Variants in ZRANB3 observed in about 807,000 individuals in gnomAD.
The protein encoded by ZRANB3 is DNA annealing helicase and endonuclease ZRANB3.
ZRANB3 carries 125 observed loss-of-function variants against 133.8 expected under a neutral mutation model. The ratio of observed to expected loss-of-function variants is 0.93; its 90% CI spans 0.81 to 1.08. The LOEUF is 1.08. Among genes scored for constraint, ZRANB3 ranks in the 50% least tolerant of loss-of-function variants. The probability of loss-of-function intolerance (pLI) is 0.00; values close to 1 mark genes in which losing one functional copy is unlikely to be tolerated. For missense variants in ZRANB3, 1,229 were observed against 1,275.5 expected, an observed-to-expected ratio of 0.96 and a Z score of 0.56; for synonymous variants, 387 against 432.7, an observed-to-expected ratio of 0.89 and a Z score of 1.31.
intron 1 of ZRANB3, among the ~76,000 whole-genome samples, chr2:135,519,955 A>T (rs1330091093): frequency 2.0e-5 from 3 of 152,134 alleles, no homozygotes; most frequent in African/African-American, 7.2e-5. Flanking sequence ...AGGATATGGT[A>T]TATATAAAGG....
rs144800364 is a variant in ZRANB3 at position 135,289,660 on chromosome 2, C to T, written c.967-13905G>A. On this transcript the variant is annotated intron_variant, in intron 8 of 20. Coordinates refer to ENST00000264159, the MANE Select transcript of ZRANB3 (RefSeq NM_032143.4). The stretch of plus-strand genomic sequence containing the variant: ...GCTCAAGCCTGTAATCCTAGCATTT[C>T]GGGAGGCAAAGTCAGGTGGATCACT... 5.5e-4 allele frequency among the ~76,000 whole-genome samples: 83 copies of T among 152,192 alleles called. 1 individual carries two copies. In the East Asian group the frequency reaches 0.01, roughly 19 times the overall value.
intron 8 of ZRANB3, among the ~76,000 whole-genome samples, chr2:135,276,234 GTTT>G (rs79341754): frequency 5.4e-5 from 7 of 128,864 alleles, no homozygotes; most frequent in Non-Finnish European, 8.4e-5. Context: ...TTTAAGGAAA[GTTT>G]TTTTTTTTTT....
At chr2:135,251,745 C>T (rs1045444736) in intron 12 of ZRANB3, among the ~76,000 whole-genome samples, 5 of 152,172 alleles carry the variant, frequency 3.3e-5, no homozygotes, top group Non-Finnish European at 7.4e-5. Context: ...TCCAATTAAA[C>T]CTCTTTTTCC....
intron 12 of ZRANB3, among the ~76,000 whole-genome samples, chr2:135,253,610 G>A (rs1480241378): frequency 6.6e-6 from 1 of 152,124 alleles, no homozygotes; most frequent in African/African-American, 2.4e-5. Flanking sequence ...CTATAAACCT[G>A]TACAGCAGTT....
At chr2:135,218,196 T>C (rs1694390446) in intron 16 of ZRANB3, among the ~76,000 whole-genome samples, 2 of 152,084 alleles carry the variant, frequency 1.3e-5, no homozygotes, top group Non-Finnish European at 2.9e-5. Context: ...AGATCAACAG[T>C]GATAATATGC....
chr2:135,284,999 C>A (rs1036476751), intron 8 of ZRANB3, among the ~76,000 whole-genome samples: 2 of 151,972 alleles, frequency 1.3e-5, no homozygotes, highest in Non-Finnish European at 1.5e-5. Context: ...GCATGCAACA[C>A]CACGCCTGGC....
rs1158302617 is a variant in ZRANB3 at position 135,355,306 on chromosome 2, T to C, written c.181-1678A>G. 4 of 982,504 alleles carry C rather than the reference T, an allele frequency of 4.1e-6. No homozygotes were observed. The Admixed American group carries it at 1.8e-4, about 45-fold the overall frequency. 60.9% of individuals were successfully genotyped at this position (982,504 alleles called of 1,614,324 possible). Reference sequence around the variant, plus strand: ...ACACCCGAAGCCACTCAAACATCACTGGATTCTGGGAACAACTTGGTTCCA... The same window carrying C: ...ACACCCGAAGCCACTCAAACATCACCGGATTCTGGGAACAACTTGGTTCCA... On this transcript the variant is annotated intron_variant, in intron 3 of 20. Coordinates refer to ENST00000264159, the MANE Select transcript of ZRANB3 (RefSeq NM_032143.4).
intron 6 of ZRANB3, among the ~76,000 whole-genome samples, chr2:135,319,312 A>T (rs1683409387): frequency 6.6e-6 from 1 of 152,212 alleles, no homozygotes; most frequent in African/African-American, 2.4e-5. Context: ...CACTTATCAC[A>T]TCTATAATGT....
chr2:135,326,505 G>A (rs1482875869), intron 6 of ZRANB3, among the ~76,000 whole-genome samples: 1 of 152,016 alleles, frequency 6.6e-6, no homozygotes, highest in Non-Finnish European at 1.5e-5. Context: ...CGGGATACAT[G>A]TGCAGAATGT....
intron 8 of ZRANB3, among the ~76,000 whole-genome samples, chr2:135,277,549 T>A (rs1680891517): frequency 6.6e-6 from 1 of 152,012 alleles, no homozygotes; most frequent in African/African-American, 2.4e-5. Flanking sequence ...AACAGTACTA[T>A]CAGAAATGAA....
intron 12 of ZRANB3, among the ~76,000 whole-genome samples, chr2:135,240,440 T>A (rs1169330518): frequency 3.3e-5 from 5 of 152,256 alleles, no homozygotes; most frequent in Non-Finnish European, 7.3e-5. Context: ...TCAGCAAACA[T>A]GCACAAATTC....
chr2:135,327,726 C>T (rs188632237), intron 6 of ZRANB3, among the ~76,000 whole-genome samples: 1 of 152,228 alleles, frequency 6.6e-6, no homozygotes, highest in African/African-American at 2.4e-5. Context: ...CCAAATACAG[C>T]TTCCTCATCT....
intron 2 of ZRANB3, among the ~76,000 whole-genome samples, chr2:135,426,665 T>C (rs1002299927): frequency 6.7e-6 from 1 of 149,150 alleles, no homozygotes; most frequent in African/African-American, 2.5e-5. Context: ...CAATCTCTAC[T>C]AAAAAATACA....
chr2:135,242,035 C>G (rs1320430618), intron 12 of ZRANB3, among the ~76,000 whole-genome samples: 1 of 152,078 alleles, frequency 6.6e-6, no homozygotes, highest in African/African-American at 2.4e-5. Context: ...CAAAAAGTAG[C>G]TGGGCATGGT....
chr2:135,350,298 C>T, intron 4 of ZRANB3, 83 bp from the exon 5 acceptor site: 2 of 984,164 alleles, frequency 2.0e-6, no homozygotes, highest in African/African-American at 1.6e-5. Flanking sequence ...GGAAAAAATA[C>T]AGAGGAGAAG....
chr2:135,413,232 T>C (rs1018673476), intron 2 of ZRANB3, among the ~76,000 whole-genome samples: 1 of 152,176 alleles, frequency 6.6e-6, no homozygotes, highest in Non-Finnish European at 1.5e-5. Context: ...CTGCTAAGGA[T>C]GACAAAGTAG....
chr2:135,496,274 C>A (rs1021471865), intron 2 of ZRANB3, among the ~76,000 whole-genome samples: 7 of 151,128 alleles, frequency 4.6e-5, no homozygotes, highest in African/African-American at 1.7e-4. Flanking sequence ...ATCCCAGCTA[C>A]TCGGAAGGCT....
intron 1 of ZRANB3, among the ~76,000 whole-genome samples, chr2:135,507,019 T>C (rs549451445): frequency 2.0e-5 from 3 of 152,284 alleles, no homozygotes; most frequent in East Asian, 1.9e-4. Flanking sequence ...AGGGAAAGCA[T>C]GAAAGCAGGA....
intron 13 of ZRANB3, chr2:135,228,307 G>GT (rs1204924393): frequency 7.4e-5 from 13 of 176,042 alleles, no homozygotes; most frequent in South Asian, 3.6e-4. Context: ...ACACAACTAA[G>GT]TTTTGTTTTT....
Sources: allele counts gnomAD v4.1 joint callset (sites outside exome capture counted in the v4.1 genomes callset), GRCh38; gene constraint gnomAD v4.1.1; transcripts MANE v1.5; gene names NCBI Gene and HGNC (gene_info 2026-07-23, HGNC 2026-07-21).